Variants in THBS4 observed in about 807,000 individuals in gnomAD.
THBS4 encodes thrombospondin 4, also known as thrombospondin-4.
THBS4 carries 90 observed loss-of-function variants against 115.7 expected under a neutral mutation model. The observed-to-expected ratio is 0.78, with a 90% CI of 0.66 to 0.93. The LOEUF (loss-of-function observed/expected upper bound fraction) is 0.93. Ranked by LOEUF, THBS4 falls within the 40% of genes least tolerant of loss-of-function variation. The pLI is 0.00. For synonymous variants in THBS4, 460 were observed against 479.3 expected, an observed-to-expected ratio of 0.96 and a Z score of 0.53; for missense variants, 1,087 against 1,232.7, an observed-to-expected ratio of 0.88 and a Z score of 1.77.
intron 8 of THBS4, among the ~76,000 whole-genome samples, chr5:80,062,164 G>C (rs951354985): frequency 1.3e-5 from 2 of 152,170 alleles, no homozygotes; most frequent in African/African-American, 4.8e-5. Context: ...GAACCACGGA[G>C]ACAAAAGCTT....
chr5:80,064,293 A>G (rs926038597), intron 8 of THBS4, among the ~76,000 whole-genome samples: 1 of 152,258 alleles, frequency 6.6e-6, no homozygotes, highest in African/African-American at 2.4e-5. Flanking sequence ...CCAGCCATGA[A>G]GAAGTGAAAT....
intron 2 of THBS4, among the ~76,000 whole-genome samples, chr5:80,047,224 T>C (rs1177969635): frequency 1.3e-5 from 2 of 152,288 alleles, no homozygotes; most frequent in South Asian, 4.1e-4. Context: ...TATGGCCAGG[T>C]TAAAGAAGCT....
chr5:80,031,016 C>T (rs1444410161), upstream of THBS4, among the ~76,000 whole-genome samples: 1 of 152,156 alleles, frequency 6.6e-6, no homozygotes, highest in African/African-American at 2.4e-5. Flanking sequence ...ATAGTCACCG[C>T]ACAGGAGCAG....
At chr5:80,070,242 T>G in intron 10 of THBS4, 64 bp from the exon 11 acceptor site, 1 of 1,413,172 alleles carries the variant, frequency 7.1e-7, no homozygotes, top group Non-Finnish European at 9.6e-7. Flanking sequence ...GAGAGGCCCT[T>G]GTCAGCCACC....
In THBS4 at chr5:80,076,911, C is replaced by T. The variant is rs762097450; in HGVS notation, c.1949C>T (p.Ala650Val). The change falls in exon 16 of 22, where the codon GCC becomes GTC. Residue 650 changes from alanine (A) to valine (V), a missense_variant. Physicochemically the swap from Ala to Val is moderately conservative, Grantham distance 64. Around this residue, in one of 3 missense-constraint regions of THBS4, gnomAD observed 979 missense variants for 1,103.7 expected, o/e 0.89. Transcript: ENST00000350881. ...AACTGCCCCACCGTCATTAACAGTG[C>T]CCAGCTGGACACCGATAAGGATGGA... ...TDNCPTVINS[A>V]QLDTDKDGIG... 1 of 1,612,934 alleles carries T rather than the reference C, an allele frequency of 6.2e-7. No homozygotes were observed. The highest frequency in any genetic ancestry group is 1.7e-5 in the Admixed American group (1 of 59,956).
rs1428501027 is a variant in THBS4 at position 79,997,169 on chromosome 5, C to T, written n.82-1163C>T. Among the ~76,000 whole-genome samples the T allele has an allele frequency of 2.6e-5, 4 of 151,788 alleles. No individual in the cohort carries two copies. In the East Asian group the frequency reaches 7.7e-4, roughly 29 times the overall value. ...AGAAAACAGGTAACAAAATGGCAGG[C>T]TTAAATCCTAAAATACCAAGACTTA... On this transcript the variant is annotated intron_variant and non_coding_transcript_variant, in intron 1 of 3. Transcript: ENST00000510218.
intron 9 of THBS4, chr5:80,067,356 TATA>T (rs1181231689): frequency 1.3e-5 from 2 of 151,730 alleles, no homozygotes; most frequent in Non-Finnish European, 2.9e-5. Flanking sequence ...AAACATATTG[TATA>T]ATATTTATTA....
chr5:80,006,798 T>C (rs2434310), intron 2 of THBS4, among the ~76,000 whole-genome samples: 35,675 of 152,108 alleles, frequency 0.23, 4,553 homozygotes, highest in African/African-American at 0.33. Context: ...ATGTATGTTA[T>C]TTGAGTGATG....
At chr5:80,058,596 G>A in intron 4 of THBS4, 112 bp from the exon 5 acceptor site, 10 of 922,916 alleles carry the variant, frequency 1.1e-5, no homozygotes, top group Non-Finnish European at 1.7e-5. Context: ...CAAAGATTCT[G>A]GGTTTTTGAA....
chr5:80,065,721 G>T (rs1296455188), intron 9 of THBS4, among the ~76,000 whole-genome samples: 1 of 152,046 alleles, frequency 6.6e-6, no homozygotes, highest in Non-Finnish European at 1.5e-5. Flanking sequence ...TGCAATATTA[G>T]GCTATTAGAT....
chr5:80,056,305 A>T (rs1190008985), intron 3 of THBS4, among the ~76,000 whole-genome samples: 1 of 152,234 alleles, frequency 6.6e-6, no homozygotes, highest in Non-Finnish European at 1.5e-5. Flanking sequence ...GCCGAAATTG[A>T]GAGCTTGTGC....
chr5:80,030,197 TTTA>T, intron 2 of THBS4, among the ~76,000 whole-genome samples: 1 of 151,992 alleles, frequency 6.6e-6, no homozygotes, highest in East Asian at 1.9e-4. Context: ...ATCTTTTTTT[TTTA>T]TTATTTTTAT....
chr5:80,058,852 T>C, intron 5 of THBS4, 62 bp downstream of exon 5: 1 of 1,503,934 alleles, frequency 6.6e-7, no homozygotes, highest in East Asian at 2.3e-5. Flanking sequence ...CCCCACAAGC[T>C]AGTGGAGCTG....
chr5:80,058,647 T>C lies in THBS4; in HGVS notation c.650-61T>C, dbSNP rs1255606297. ...GATTTCCTGGGGAATAATTTGGTTT[T>C]GAGTCACTTAGAAATGACCATCACT... On this transcript the variant is annotated intron_variant, in intron 4 of 21. Coordinates refer to ENST00000350881, the MANE Select transcript of THBS4 (RefSeq NM_003248.6). 7.3e-6 allele frequency: 11 copies of C among 1,508,268 alleles called. No individual in the cohort carries two copies. In the East Asian group the frequency reaches 2.3e-4, roughly 31 times the overall value. 93.4% of individuals were successfully genotyped at this position (1,508,268 alleles called of 1,614,324 possible).
chr5:80,036,377 A>C (rs1832719070), intron 1 of THBS4, among the ~76,000 whole-genome samples: 1 of 152,174 alleles, frequency 6.6e-6, no homozygotes, highest in South Asian at 2.1e-4. Flanking sequence ...GGACTCCAAA[A>C]GTAGGGGGGA....
intron 3 of THBS4, among the ~76,000 whole-genome samples, chr5:80,056,430 A>G (rs1833434879): frequency 6.6e-6 from 1 of 152,244 alleles, no homozygotes; most frequent in South Asian, 2.1e-4. Flanking sequence ...TCTATAATGA[A>G]AATAAAAAAG....
In THBS4 at chr5:80,073,304, C is replaced by A. The variant is rs1186054773; in HGVS notation, c.1869C>A (p.Asp623Glu). ...ATGTGGATAATGATCTGGTTGGGGACTCCTGTGACACCAATCAGGACAGGT... is the reference window on the plus strand; with the variant it reads ...ATGTGGATAATGATCTGGTTGGGGAATCCTGTGACACCAATCAGGACAGGT... ...QSDVDNDLVG[D>E]SCDTNQDSDG... Residue 623 changes from aspartate to glutamate, a missense_variant, in exon 15 of 22, where the codon GAC becomes GAA. Asp to Glu is a conservative substitution (Grantham distance 45). Around this residue, in one of 3 missense-constraint regions of THBS4, gnomAD observed 979 missense variants for 1,103.7 expected, o/e 0.89. Coordinates refer to ENST00000350881, the MANE Select transcript of THBS4 (RefSeq NM_003248.6). The A allele has an allele frequency of 1.2e-6, 2 of 1,613,928 alleles. No homozygotes were observed. Among genetic ancestry groups the A allele is most frequent in the South Asian group, 2.2e-5 (2 of 91,070 alleles).
chr5:80,055,742 C>A, intron 2 of THBS4, 43 bp from the exon 3 acceptor site: 1 of 1,581,784 alleles, frequency 6.3e-7, no homozygotes, highest in South Asian at 1.2e-5. Context: ...ACTTCCCCCT[C>A]TGCCACTTAT....
chr5:80,038,126 CT>C (rs892304124), intron 1 of THBS4, among the ~76,000 whole-genome samples: 1 of 151,974 alleles, frequency 6.6e-6, no homozygotes, highest in Non-Finnish European at 1.5e-5. Flanking sequence ...AAAGCAATAC[CT>C]GCCCATTGTA....
Sources: gnomAD v4.1 joint callset for allele counts (sites outside exome capture counted in the v4.1 genomes callset) on GRCh38, gnomAD v4.1.1 for gene constraint, gnomAD v4.1.1 regional missense constraint, MANE v1.5 for transcripts, NCBI Gene and HGNC (gene_info 2026-07-23, HGNC 2026-07-21) for gene names.